PPP1R13B: variants seen among roughly 807,000 people sequenced by gnomAD.
PPP1R13B encodes the protein apoptosis-stimulating of p53 protein 1.
PPP1R13B carries 44 observed loss-of-function variants against 119.8 expected under a neutral mutation model. That is an observed-to-expected ratio of 0.37 (90% CI 0.29 to 0.47). The LOEUF is 0.47. Ranked by LOEUF, PPP1R13B falls within the 20% of genes least tolerant of loss-of-function variation. The pLI is 0.99. For missense variants in PPP1R13B, 1,227 were observed against 1,413.5 expected (o/e 0.87, Z 2.12); for synonymous variants, 542 against 561.5 (o/e 0.97, Z 0.49).
In PPP1R13B at chr14:103,734,781, T is replaced by C; in HGVS notation, c.*373A>G. The stretch of plus-strand genomic sequence containing the variant: ...GAGCAGGCCTCACAGCGGCGGACAG[T>C]GTTCACTGCTGGAGGGGGTGATGGC... On this transcript the variant is annotated 3_prime_UTR_variant, in exon 17 of 17. Transcript: ENST00000202556. The C allele has an allele frequency of 2.2e-6, 1 of 461,414 alleles. No homozygotes were observed. Among genetic ancestry groups the C allele is most frequent in the Non-Finnish European group, 4.3e-6 (1 of 231,778 alleles). The allele number at this position is 461,414 out of a possible 1,614,324, so 28.6% of individuals were successfully genotyped here.
chr14:103,764,367 C>T (rs1326029141), intron 4 of PPP1R13B: 1 of 215,276 alleles, frequency 4.6e-6, no homozygotes, highest in Non-Finnish European at 9.8e-6. Context: ...TGTTAAGCAT[C>T]TTTTCATATG....
At chr14:103,796,177 A>G (rs2152039380) in intron 2 of PPP1R13B, among the ~76,000 whole-genome samples, 1 of 152,142 alleles carries the variant, frequency 6.6e-6, no homozygotes. Context: ...CAGCTACACG[A>G]GAGGCTGAGG....
At chr14:103,741,518 C>G (rs1431324357) in intron 11 of PPP1R13B, among the ~76,000 whole-genome samples, 2 of 152,172 alleles carry the variant, frequency 1.3e-5, no homozygotes, top group Non-Finnish European at 2.9e-5. Context: ...GACATCTCAC[C>G]CTTCCCGGAG....
intron 1 of PPP1R13B, among the ~76,000 whole-genome samples, chr14:103,803,636 CCGTCTCAAAAATAAATAAA>C (rs1387805821): frequency 1.3e-5 from 2 of 151,942 alleles, no homozygotes; most frequent in Non-Finnish European, 2.9e-5. Context: ...GAGCGAGACT[CCGTCTCAAAAATAAATAAA>C]TAAATAAATA....
chr14:103,741,873 T>C lies in PPP1R13B; in HGVS notation c.1739A>G (p.Tyr580Cys). The part of the protein sequence containing the change: ...GPQTVNSSSI[Y>C]SMYLQQATPP... Reference sequence around the variant, plus strand: ...TGTGGCTTGCTGGAGGTACATGGAGTATATGGAACTTGAATTCACTGTCTG... The same window carrying C: ...TGTGGCTTGCTGGAGGTACATGGAGCATATGGAACTTGAATTCACTGTCTG... The change falls in exon 11 of 17, where the codon TAC becomes TGC. Residue 580 changes from tyrosine to cysteine, a missense_variant. Physicochemically the swap from Tyr to Cys is radical, Grantham distance 194. Coordinates refer to ENST00000202556, the MANE Select transcript of PPP1R13B (RefSeq NM_015316.3). The C allele has an allele frequency of 1.2e-6, 2 of 1,613,858 alleles. No individual in the cohort carries two copies. Among genetic ancestry groups the C allele is most frequent in the Non-Finnish European group, 1.7e-6 (2 of 1,179,966 alleles).
chr14:103,757,726 G>T lies in PPP1R13B; in HGVS notation c.380C>A (p.Thr127Asn), dbSNP rs1270975796. Reference protein sequence around the residue: ...NGVGNPRVELTLSELQDMAAR... With the variant: ...NGVGNPRVELNLSELQDMAAR... ...TGCCATATCTTGGAGCTCTGAGAGG[G>T]TAAGTTCAACACGTGGATTCCCAAC... The change falls in exon 5 of 17, where the codon ACC (threonine) becomes AAC (asparagine). Residue 127 changes from threonine (T) to asparagine (N), a missense_variant. Coordinates refer to ENST00000202556, the MANE Select transcript of PPP1R13B (RefSeq NM_015316.3). 19 of 1,613,900 alleles carry T rather than the reference G, an allele frequency of 1.2e-5. No individual in the cohort carries two copies. The highest frequency in any genetic ancestry group is 2.2e-5 in the South Asian group (2 of 91,078).
intron 4 of PPP1R13B, among the ~76,000 whole-genome samples, chr14:103,776,805 G>A (rs1198450857): frequency 5.3e-5 from 8 of 151,168 alleles, no homozygotes; most frequent in Non-Finnish European, 8.9e-5. Context: ...CCGGGAGGCG[G>A]AGCTTGCAGT....
At chr14:103,796,773 A>C (rs892233148) in intron 2 of PPP1R13B, among the ~76,000 whole-genome samples, 1 of 152,190 alleles carries the variant, frequency 6.6e-6, no homozygotes, top group Non-Finnish European at 1.5e-5. Context: ...CCTGGGCAAC[A>C]TGGTGAAACC....
At chr14:103,775,771 A>C in intron 4 of PPP1R13B, among the ~76,000 whole-genome samples, 1 of 152,150 alleles carries the variant, frequency 6.6e-6, no homozygotes, top group East Asian at 1.9e-4. Context: ...ATTTCTTAAG[A>C]CGTCCTGAAG....
intron 7 of PPP1R13B, 128 bp from the exon 8 acceptor site, chr14:103,750,062 C>G: frequency 2.1e-6 from 2 of 958,564 alleles, no homozygotes. Context: ...GCACTGCCAC[C>G]TTGTGTGGAA....
intron 4 of PPP1R13B, chr14:103,762,692 G>C: frequency 3.5e-6 from 2 of 565,512 alleles, no homozygotes; most frequent in Non-Finnish European, 6.4e-6. Flanking sequence ...CCAAGAGCAA[G>C]AGAACGACTC....
chr14:103,736,191 T>C lies in PPP1R13B; in HGVS notation c.3043A>G (p.Lys1015Glu). 1.2e-6 allele frequency: 2 copies of C among 1,613,678 alleles called. No homozygotes were observed. The highest frequency in any genetic ancestry group is 1.7e-6 in the Non-Finnish European group (2 of 1,179,868). ...ACACCTTTGTTCATCACACCCAGCT[T>C]TTCCTGCACCCCTGGAGCCAGAGAG... ...CSQFLYGVQE[K>E]LGVMNKGVAY... Residue 1015 changes from lysine (K) to glutamate (E), a missense_variant, in exon 16 of 17, where the codon AAG becomes GAG. Physicochemically the swap from Lys to Glu is moderately conservative, Grantham distance 56. Transcript: ENST00000202556.
chr14:103,797,246 A>T, intron 2 of PPP1R13B, 125 bp downstream of exon 2: 1 of 869,036 alleles, frequency 1.2e-6, no homozygotes, highest in Non-Finnish European at 1.7e-6. Context: ...ATACTAAATT[A>T]TATGTACTTA....
At chr14:103,748,968 T>C (rs143878435) in intron 8 of PPP1R13B, among the ~76,000 whole-genome samples, 1 of 152,316 alleles carries the variant, frequency 6.6e-6, no homozygotes, top group African/African-American at 2.4e-5. Flanking sequence ...CTTTGTGTCT[T>C]TATTAGGGAA....
At chr14:103,809,765 G>A (rs2086102656) in intron 1 of PPP1R13B, among the ~76,000 whole-genome samples, 1 of 151,908 alleles carries the variant, frequency 6.6e-6, no homozygotes, top group Non-Finnish European at 1.5e-5. Context: ...CAAGGCTGCA[G>A]TGAGCTATGA....
chr14:103,744,064 T>A (rs939978596), intron 9 of PPP1R13B: 1 of 152,234 alleles, frequency 6.6e-6, no homozygotes, highest in African/African-American at 2.4e-5. Flanking sequence ...CTGGAGGATG[T>A]GTGGCCAGAA....
In PPP1R13B at chr14:103,758,894, C is replaced by T. The variant is rs148941806; in HGVS notation, c.355-1143G>A. ...CCTGTTCCTCCAGCTCCATGTCTTCCCAAACTTTTATGATGTTTGAGCACA... is the reference window on the plus strand; with the variant it reads ...CCTGTTCCTCCAGCTCCATGTCTTCTCAAACTTTTATGATGTTTGAGCACA... On this transcript the variant is annotated intron_variant, in intron 4 of 16. Coordinates refer to ENST00000202556, the MANE Select transcript of PPP1R13B (RefSeq NM_015316.3). 2.4e-3 allele frequency among the ~76,000 whole-genome samples: 371 copies of T among 152,300 alleles called. 3 individuals are homozygous for T. Among genetic ancestry groups the T allele is most frequent in the African/African-American group, 8.4e-3 (349 of 41,556 alleles).
At chr14:103,830,510 G>C (rs1447058458) in intron 1 of PPP1R13B, among the ~76,000 whole-genome samples, 2 of 152,184 alleles carry the variant, frequency 1.3e-5, no homozygotes, top group African/African-American at 4.8e-5. Flanking sequence ...GAGAAATTAA[G>C]TAACTCACCC....
chr14:103,805,983 A>C (rs928535574), intron 1 of PPP1R13B, among the ~76,000 whole-genome samples: 14 of 152,242 alleles, frequency 9.2e-5, no homozygotes, highest in African/African-American at 3.1e-4. Context: ...ACTAAAGATC[A>C]CTGAATGTTC....
Sources: gnomAD v4.1 joint callset for allele counts (sites outside exome capture counted in the v4.1 genomes callset) on GRCh38, gnomAD v4.1.1 for gene constraint, MANE v1.5 for transcripts, NCBI Gene and HGNC (gene_info 2026-07-23, HGNC 2026-07-21) for gene names.